DYNAP: variants seen among roughly 807,000 people sequenced by gnomAD.
The protein encoded by DYNAP is dynactin associated protein.
A neutral mutation model predicts 8.5 loss-of-function variants in DYNAP; 7 were observed. The observed-to-expected ratio is 0.82, with a 90% CI of 0.47 to 1.54. The LOEUF (loss-of-function observed/expected upper bound fraction) is 1.54, where lower values mean the gene tolerates loss of function less well. Ranked by LOEUF, DYNAP falls within the 40% of genes most tolerant of loss-of-function variation. DYNAP has a pLI of 0.01. For missense variants in DYNAP, 256 were observed against 224.3 expected (o/e 1.14, Z -0.90); for synonymous variants, 77 against 77.9 (o/e 0.99, Z 0.06).
intron 2 of DYNAP, among the ~76,000 whole-genome samples, chr18:54,595,508 T>C (rs1447928493): frequency 6.6e-6 from 1 of 152,156 alleles, no homozygotes; most frequent in Non-Finnish European, 1.5e-5. Flanking sequence ...CCTATTCTTT[T>C]GGCGATCACC....
chr18:54,580,118 A>C, the DYNAP span, among the ~76,000 whole-genome samples: 1 of 152,236 alleles, frequency 6.6e-6, no homozygotes, highest in African/African-American at 2.4e-5. Context: ...ACTGAATGAT[A>C]TTATTGACTA....
At chr18:54,576,557 G>A in the DYNAP span, among the ~76,000 whole-genome samples, 1 of 152,026 alleles carries the variant, frequency 6.6e-6, no homozygotes, top group South Asian at 2.1e-4. Flanking sequence ...TCAACACTTC[G>A]GAAGGCTGAG....
chr18:54,575,880 C>T, the DYNAP span, among the ~76,000 whole-genome samples: 1 of 152,130 alleles, frequency 6.6e-6, no homozygotes, highest in Non-Finnish European at 1.5e-5. Context: ...TCCAGTACCT[C>T]AACAATTTCC....
At chr18:54,591,630 C>T (rs931306288) in intron 1 of DYNAP, among the ~76,000 whole-genome samples, 1 of 152,086 alleles carries the variant, frequency 6.6e-6, no homozygotes, top group Non-Finnish European at 1.5e-5. Flanking sequence ...TATTCACCTT[C>T]ATGTAAACAT....
chr18:54,593,153 A>G (rs913390199), intron 1 of DYNAP, among the ~76,000 whole-genome samples: 3 of 152,234 alleles, frequency 2.0e-5, no homozygotes, highest in Admixed American at 6.5e-5. Flanking sequence ...TAACTTAGCT[A>G]ATTGTCCACT....
intron 2 of DYNAP, among the ~76,000 whole-genome samples, chr18:54,596,001 T>C (rs1456667222): frequency 6.6e-6 from 1 of 152,146 alleles, no homozygotes; most frequent in South Asian, 2.1e-4. Context: ...AAGTAATCCA[T>C]ATCAATCATG....
At chr18:54,583,721 C>T (rs1374491650), upstream of DYNAP, among the ~76,000 whole-genome samples, 1 of 152,116 alleles carries the variant, frequency 6.6e-6, no homozygotes, top group Non-Finnish European at 1.5e-5. Flanking sequence ...TTATCTTACT[C>T]AGCACTGCTA....
At chr18:54,585,611 A>G (rs951704947), upstream of DYNAP, among the ~76,000 whole-genome samples, 6 of 152,266 alleles carry the variant, frequency 3.9e-5, no homozygotes, top group South Asian at 1.0e-3. Flanking sequence ...TTCATCCCTC[A>G]AAGATCACTT....
the DYNAP span, among the ~76,000 whole-genome samples, chr18:54,582,047 T>G: frequency 6.6e-6 from 1 of 152,250 alleles, no homozygotes; most frequent in African/African-American, 2.4e-5. Context: ...AGCACTTTGG[T>G]AAGCCGAGGC....
At chr18:54,583,696 T>C (rs1466906704), upstream of DYNAP, among the ~76,000 whole-genome samples, 10 of 152,196 alleles carry the variant, frequency 6.6e-5, no homozygotes, top group African/African-American at 2.4e-4. Flanking sequence ...ACTTAATTAG[T>C]ACTATATTTA....
upstream of DYNAP, among the ~76,000 whole-genome samples, chr18:54,589,344 A>G (rs1464277136): frequency 6.6e-6 from 1 of 152,158 alleles, no homozygotes; most frequent in Non-Finnish European, 1.5e-5. Flanking sequence ...GGCGACTCTG[A>G]GAAGGTAATG....
rs533116805 is a variant in DYNAP, at chr18:54,597,428, T to C, written c.223-385T>C. On this transcript the variant is annotated intron_variant, in intron 2 of 2. Transcript: ENST00000648945. ...TTGTAGGTTCATTAATTGTAACAAATGTTCTACTCTGATGGGAGAAGTTGA... is the reference window on the plus strand; with the variant it reads ...TTGTAGGTTCATTAATTGTAACAAACGTTCTACTCTGATGGGAGAAGTTGA... Among the ~76,000 whole-genome samples the C allele has an allele frequency of 5.3e-5, 8 of 152,186 alleles. No individual in the cohort carries two copies. In the South Asian group the frequency reaches 1.7e-3, roughly 32 times the overall value.
At chr18:54,580,921 G>GA in the DYNAP span, among the ~76,000 whole-genome samples, 2 of 150,740 alleles carry the variant, frequency 1.3e-5, no homozygotes, top group Non-Finnish European at 3.0e-5. Flanking sequence ...AATTTTCCTA[G>GA]AAAAAAAAAT....
At chr18:54,584,668 G>T (rs1478745070), upstream of DYNAP, among the ~76,000 whole-genome samples, 4 of 152,132 alleles carry the variant, frequency 2.6e-5, no homozygotes, top group African/African-American at 9.7e-5. Flanking sequence ...TGTGATACCT[G>T]GTAGGAAGAG....
At chr18:54,592,806 C>T (rs1794822380) in intron 1 of DYNAP, among the ~76,000 whole-genome samples, 1 of 152,100 alleles carries the variant, frequency 6.6e-6, no homozygotes, top group African/African-American at 2.4e-5. Context: ...GCCTAGATCA[C>T]AGGTTCCCCA....
the DYNAP span, among the ~76,000 whole-genome samples, chr18:54,580,214 A>C: frequency 6.6e-6 from 1 of 152,238 alleles, no homozygotes. Flanking sequence ...CCAGAGCAAA[A>C]TGGCAGTAAA....
the DYNAP span, among the ~76,000 whole-genome samples, chr18:54,576,801 CCAACAACAA>C: frequency 3.2e-3 from 473 of 149,524 alleles, 4 homozygotes; most frequent in African/African-American, 9.6e-3. Context: ...AGATCTTATC[CCAACAACAA>C]CAACAACAAC....
upstream of DYNAP, among the ~76,000 whole-genome samples, chr18:54,586,711 C>T (rs1295262381): frequency 3.3e-5 from 5 of 152,186 alleles, no homozygotes; most frequent in Admixed American, 2.6e-4. Flanking sequence ...GAGAGCCACA[C>T]ACTCTAATCT....
At chr18:54,587,509 C>T (rs1399162444), upstream of DYNAP, among the ~76,000 whole-genome samples, 2 of 152,100 alleles carry the variant, frequency 1.3e-5, no homozygotes, top group Non-Finnish European at 2.9e-5. Flanking sequence ...GCATATTACA[C>T]AACACGTGTT....
Sources: allele counts gnomAD v4.1 joint callset (sites outside exome capture counted in the v4.1 genomes callset), GRCh38; gene constraint gnomAD v4.1.1; transcripts MANE v1.5; gene names NCBI Gene and HGNC (gene_info 2026-07-23, HGNC 2026-07-21).